The following DCC variants were observed in gnomAD, a reference collection of about 807,000 sequenced individuals.
DCC encodes the protein netrin receptor DCC.
A neutral mutation model predicts 172.5 loss-of-function variants in DCC; 58 were observed. The ratio of observed to expected loss-of-function variants is 0.34; its 90% confidence interval spans 0.27 to 0.42. The LOEUF (loss-of-function observed/expected upper bound fraction) is 0.42, where lower values mean the gene tolerates loss of function less well. Ranked by LOEUF, DCC falls within the 10% of genes least tolerant of loss-of-function variation. The probability of loss-of-function intolerance (pLI) is 1.00; values close to 1 mark genes in which losing one functional copy is unlikely to be tolerated. For synonymous variants in DCC, 709 were observed against 644.5 expected, an observed-to-expected ratio of 1.10 and a Z score of -1.52; for missense variants, 1,740 against 1,791.0, an observed-to-expected ratio of 0.97 and a Z score of 0.51.
intron 1 of DCC, among the ~76,000 whole-genome samples, chr18:52,623,914 G>T (rs974977514): frequency 6.6e-6 from 1 of 152,126 alleles, no homozygotes; most frequent in Admixed American, 6.5e-5. Flanking sequence ...ATGCACATGT[G>T]TGTATTGAAT....
At chr18:52,366,671 A>C (rs1984872561) in intron 1 of DCC, among the ~76,000 whole-genome samples, 1 of 151,344 alleles carries the variant, frequency 6.6e-6, no homozygotes, top group South Asian at 2.1e-4. Context: ...CCTGAGCCAG[A>C]CATAAAGGTT....
intron 1 of DCC, among the ~76,000 whole-genome samples, chr18:52,698,039 A>AG (rs1758362209): frequency 6.6e-6 from 1 of 152,246 alleles, no homozygotes; most frequent in Non-Finnish European, 1.5e-5. Context: ...ATCAAGGTGT[A>AG]GGTAACACTC....
intron 1 of DCC, among the ~76,000 whole-genome samples, chr18:52,470,366 G>A (rs1341779573): frequency 6.6e-6 from 1 of 152,118 alleles, no homozygotes; most frequent in Non-Finnish European, 1.5e-5. Context: ...GATATGCATT[G>A]TGAACATTTT....
chr18:53,530,120 G>A (rs1217299406), intron 28 of DCC, among the ~76,000 whole-genome samples: 1 of 152,188 alleles, frequency 6.6e-6, no homozygotes, highest in East Asian at 1.9e-4. Context: ...AGGAACAGGA[G>A]CTAATGTATT....
intron 2 of DCC, among the ~76,000 whole-genome samples, chr18:52,875,636 A>C (rs1278812948): frequency 6.6e-6 from 1 of 152,198 alleles, no homozygotes; most frequent in Non-Finnish European, 1.5e-5. Context: ...ATTTATTTGC[A>C]ATTAGTAGTA....
At chr18:52,446,678 A>C (rs1306280264) in intron 1 of DCC, among the ~76,000 whole-genome samples, 1 of 152,202 alleles carries the variant, frequency 6.6e-6, no homozygotes, top group Non-Finnish European at 1.5e-5. Flanking sequence ...CCTTCTAGCC[A>C]CTACCTTTGG....
chr18:53,207,109 A>G (rs1293607602), intron 10 of DCC, among the ~76,000 whole-genome samples: 3 of 152,170 alleles, frequency 2.0e-5, no homozygotes, highest in Non-Finnish European at 2.9e-5. Flanking sequence ...CAAAACCATC[A>G]TCATCCAAGA....
intron 14 of DCC, among the ~76,000 whole-genome samples, chr18:53,331,948 C>G (rs989565721): frequency 6.6e-6 from 1 of 152,126 alleles, no homozygotes; most frequent in African/African-American, 2.4e-5. Flanking sequence ...TGAGTTATAA[C>G]CAATGTGAGG....
chr18:53,326,936 A>T (rs1408864031), intron 14 of DCC, among the ~76,000 whole-genome samples: 1 of 152,144 alleles, frequency 6.6e-6, no homozygotes, highest in Non-Finnish European at 1.5e-5. Flanking sequence ...ATGTTGTATA[A>T]CTTACCCCCC....
At position 52,754,800 on chromosome 18, in the gene DCC, C is replaced by T. The variant is rs1445507427; in HGVS notation, c.412+2426C>T. On this transcript the variant is annotated intron_variant, in intron 2 of 28. Transcript: ENST00000442544. ...GAAAGTCCCATATCCTGGGAAGCCACCTCAGTGCCAGGTAAAACCAGGACA... is the reference window on the plus strand; with the variant it reads ...GAAAGTCCCATATCCTGGGAAGCCATCTCAGTGCCAGGTAAAACCAGGACA... Among the ~76,000 whole-genome samples the T allele has an allele frequency of 6.6e-5, 10 of 152,342 alleles. No individual in the cohort carries two copies. The South Asian group carries it at 1.9e-3, about 28-fold the overall frequency.
In DCC at chr18:53,066,135, G is replaced by C. The variant is rs1599090077; in HGVS notation, c.1230G>C (p.Gln410His). 2 of 1,613,316 alleles carry C rather than the reference G, an allele frequency of 1.2e-6. No homozygotes were observed. Among genetic ancestry groups the C allele is most frequent in the Non-Finnish European group, 1.7e-6 (2 of 1,179,556 alleles). Residue 410 changes from glutamine (Q) to histidine (H), a missense_variant, in exon 7 of 29, where the codon CAG becomes CAC. By Grantham distance (24) the Gln-to-His change is conservative (BLOSUM62 0). This residue lies in a region of DCC where 1,732 missense variants were observed against 1,767.4 expected (regional missense o/e 0.98). Coordinates refer to ENST00000442544, the MANE Select transcript of DCC (RefSeq NM_005215.4). ...CTGAAAATGAGGCTGGAAATGCCCA[G>C]ACCAGTGCACAGCTCATTGTCCCTA... ...CVAENEAGNA[Q>H]TSAQLIVPKP...
At chr18:53,471,786 C>A (rs911394888) in intron 25 of DCC, among the ~76,000 whole-genome samples, 1 of 152,162 alleles carries the variant, frequency 6.6e-6, no homozygotes, top group African/African-American at 2.4e-5. Flanking sequence ...CCTTTATAAG[C>A]AGGTCTTCCC....
chr18:52,923,828 G>C lies in DCC; in HGVS notation c.819G>C (p.Trp273Cys), dbSNP rs749223921. The C allele has an allele frequency of 6.2e-7, 1 of 1,613,374 alleles. No homozygotes were observed. Among genetic ancestry groups the C allele is most frequent in the Non-Finnish European group, 8.5e-7 (1 of 1,179,558 alleles). The stretch of plus-strand genomic sequence containing the variant: ...GCTATCCTCCACCAAGTTTTACCTG[G>C]TTACGAGGCGAGGAAGTCATCCAAC... The part of the protein sequence containing the change: ...VSGYPPPSFT[W>C]LRGEEVIQLR... Residue 273 changes from tryptophan (W) to cysteine (C), a missense_variant, in exon 4 of 29, where the codon TGG becomes TGC. This residue lies in a region of DCC where 1,732 missense variants were observed against 1,767.4 expected (regional missense o/e 0.98). Transcript: ENST00000442544.
chr18:52,958,482 A>C (rs2040784137), intron 5 of DCC, among the ~76,000 whole-genome samples: 1 of 152,148 alleles, frequency 6.6e-6, no homozygotes, highest in Non-Finnish European at 1.5e-5. Context: ...CCATATTTTC[A>C]AAAGATAATT....
chr18:52,533,212 C>A (rs1179965757), intron 1 of DCC, among the ~76,000 whole-genome samples: 1 of 152,102 alleles, frequency 6.6e-6, no homozygotes, highest in Non-Finnish European at 1.5e-5. Flanking sequence ...TTTGATACAA[C>A]CTGTCAATCT....
Position 53,460,536 on chromosome 18 carries a change from G to GT in DCC, c.3619+1084dup, listed in dbSNP as rs559627142. Among the ~76,000 whole-genome samples, 1,339 of 149,152 alleles carry GT rather than the reference G, an allele frequency of 9.0e-3. 23 individuals are homozygous for GT. The highest frequency in any genetic ancestry group is 0.027 in the Admixed American group (401 of 14,796). ...TATAAGTGAGAATATGTGGTGTTTG[G>GT]TTTTTTGTTCTTGTCATAGTTTACT... is the stretch of plus-strand genomic sequence containing the variant. On this transcript the variant is annotated intron_variant, in intron 24 of 28. Coordinates refer to ENST00000442544, the MANE Select transcript of DCC (RefSeq NM_005215.4).
chr18:52,510,758 C>T (rs1021736919), intron 1 of DCC, among the ~76,000 whole-genome samples: 17 of 152,124 alleles, frequency 1.1e-4, no homozygotes, highest in African/African-American at 4.1e-4. Context: ...TCGGTCTTCC[C>T]TGGAACACTA....
At position 52,690,658 on chromosome 18, in the gene DCC, G is replaced by A. The variant is rs574792637; in HGVS notation, c.92-61396G>A. Among the ~76,000 whole-genome samples the A allele has an allele frequency of 9.9e-5, 15 of 152,230 alleles. No individual in the cohort carries two copies. The South Asian group carries it at 3.1e-3, about 32-fold the overall frequency. On this transcript the variant is annotated intron_variant, in intron 1 of 28. Transcript: ENST00000442544. ...TTGTTGTACCCATTTTGTCAGTAGG[G>A]AATCTAAGGTTCAGAGAGACCAAGT...
chr18:52,468,274 A>G (rs187938709), intron 1 of DCC, among the ~76,000 whole-genome samples: 1 of 152,354 alleles, frequency 6.6e-6, no homozygotes, highest in East Asian at 1.9e-4. Context: ...CTTAGAATTT[A>G]TATGGGGAAG....
Sources: allele counts gnomAD v4.1 joint callset (sites outside exome capture counted in the v4.1 genomes callset), GRCh38; gene constraint gnomAD v4.1.1; regional missense constraint gnomAD v4.1.1; transcripts MANE v1.5; gene names NCBI Gene and HGNC (gene_info 2026-07-23, HGNC 2026-07-21).